Variants in TRIM34 observed in about 807,000 individuals in gnomAD.
TRIM34 encodes the protein E3 ubiquitin-protein ligase TRIM34.
Under a neutral mutation model 38.1 loss-of-function variants are expected in TRIM34, and 41 were observed. The ratio of observed to expected loss-of-function variants is 1.08; its 90% confidence interval spans 0.84 to 1.40. The LOEUF (loss-of-function observed/expected upper bound fraction) is 1.40, where lower values mean the gene tolerates loss of function less well. Among genes scored for constraint, TRIM34 ranks in the 40% most tolerant of loss-of-function variants. The probability of loss-of-function intolerance (pLI) is 0.00; values close to 1 mark genes in which losing one functional copy is unlikely to be tolerated. For missense variants in TRIM34, 556 were observed against 571.4 expected (o/e 0.97, Z 0.27); for synonymous variants, 200 against 202.5 (o/e 0.99, Z 0.10).
chr11:5,626,664 G>A (rs2133908968), intron 1 of TRIM34: 1 of 152,270 alleles, frequency 6.6e-6, no homozygotes, highest in African/African-American at 2.4e-5. Context: ...AAGATCACCA[G>A]AGATCAGGAG....
At chr11:5,626,531 T>A (rs1849243855) in intron 1 of TRIM34, 1 of 152,158 alleles carries the variant, frequency 6.6e-6, no homozygotes, top group Admixed American at 6.5e-5. Context: ...TCCCACGGGC[T>A]TAAAAGGAGA....
intron 1 of TRIM34, among the ~76,000 whole-genome samples, chr11:5,628,074 G>C (rs563669829): frequency 6.6e-6 from 1 of 152,216 alleles, no homozygotes; most frequent in Non-Finnish European, 1.5e-5. Flanking sequence ...TGCTGGGCTT[G>C]AGCCACACTG....
intron 4 of TRIM34, 113 bp downstream of exon 4, chr11:5,634,974 T>C: frequency 9.0e-7 from 1 of 1,115,568 alleles, no homozygotes; most frequent in South Asian, 1.6e-5. Flanking sequence ...AGTGCCGCCT[T>C]GTCGTCCATT....
rs370431672 is a variant in TRIM34 at position 5,642,755 on chromosome 11, A to G, written c.875-62A>G. 2.4e-4 allele frequency: 386 copies of G among 1,604,536 alleles called. 1 individual carries two copies. The highest frequency in any genetic ancestry group is 2.6e-4 in the Non-Finnish European group (305 of 1,174,408). ...CCCCTGTCCCTACTCTAAAGAATATATAGGTATCAGTGCTTACTCCTTTGT... is the reference window on the plus strand; with the variant it reads ...CCCCTGTCCCTACTCTAAAGAATATGTAGGTATCAGTGCTTACTCCTTTGT... On this transcript the variant is annotated intron_variant, in intron 6 of 7. Coordinates refer to ENST00000429814, the MANE Select transcript of TRIM34 (RefSeq NM_021616.6).
In TRIM34 at chr11:5,643,632, T is replaced by C; in HGVS notation, c.1390T>C (p.Phe464Leu). The change falls in exon 8 of 8, where the codon TTT (phenylalanine) becomes CTT (leucine). Residue 464 changes from phenylalanine to leucine, a missense_variant. Physicochemically the swap from Phe to Leu is conservative, Grantham distance 22. Coordinates refer to ENST00000429814, the MANE Select transcript of TRIM34 (RefSeq NM_021616.6). Reference protein sequence around the residue: ...SLIYKFSKCCFSQPVYPYFNP... With the variant: ...SLIYKFSKCCLSQPVYPYFNP... ...CATTTACAAGTTCTCTAAATGTTGC[T>C]TTTCTCAGCCTGTTTATCCATATTT... The C allele has an allele frequency of 6.2e-7, 1 of 1,614,152 alleles. No individual in the cohort carries two copies. Among genetic ancestry groups the C allele is most frequent in the Non-Finnish European group, 8.5e-7 (1 of 1,179,996 alleles).
chr11:5,640,749 GAATTA>G, intron 4 of TRIM34, among the ~76,000 whole-genome samples: 1 of 152,134 alleles, frequency 6.6e-6, no homozygotes, highest in South Asian at 2.1e-4. Flanking sequence ...ACCTTTAGCA[GAATTA>G]GCCAGTGAAG....
chr11:5,642,935 A>T (rs1156555040), intron 7 of TRIM34, 92 bp downstream of exon 7: 17 of 1,547,632 alleles, frequency 1.1e-5, no homozygotes, highest in Non-Finnish European at 3.5e-6. Flanking sequence ...AGCCTCATGC[A>T]TTCTCAGCAC....
chr11:5,631,074 T>C (rs1002510436), intron 1 of TRIM34, among the ~76,000 whole-genome samples: 1 of 152,196 alleles, frequency 6.6e-6, no homozygotes, highest in Non-Finnish European at 1.5e-5. Context: ...CTATTTCTAT[T>C]CCTCGATGAT....
chr11:5,634,810 C>A lies in TRIM34; in HGVS notation c.699C>A (p.Leu233=). ...AGCAGAAGCAGTTGGTGAGAGAGCTCATCTCAGATGTGGAGTGTCGGAGTC... is the reference window on the plus strand; with the variant it reads ...AGCAGAAGCAGTTGGTGAGAGAGCTAATCTCAGATGTGGAGTGTCGGAGTC... The part of the protein sequence containing the change: ...LVQQKQLVRE[L]ISDVECRSQW... Residue 233 remains leucine (L), a synonymous_variant, in exon 4 of 8, where the codon CTC becomes CTA. Transcript: ENST00000429814. 1 of 1,613,646 alleles carries A rather than the reference C, an allele frequency of 6.2e-7. No individual in the cohort carries two copies. The highest frequency in any genetic ancestry group is 1.1e-5 in the South Asian group (1 of 91,030).
rs139662863 is a variant in TRIM34 at position 5,643,621 on chromosome 11, C to T, written c.1379C>T (p.Ser460Phe). 6.2e-7 allele frequency: 1 copy of T among 1,614,012 alleles called. No individual in the cohort carries two copies. The highest frequency in any genetic ancestry group is 1.3e-5 in the African/African-American group (1 of 74,920). The change falls in exon 8 of 8, where the codon TCT becomes TTT. Residue 460 changes from serine (S) to phenylalanine (F), a missense_variant. Physicochemically the swap from Ser to Phe is radical, Grantham distance 155. Coordinates refer to ENST00000429814, the MANE Select transcript of TRIM34 (RefSeq NM_021616.6). ...CATGGCTCCCTCATTTACAAGTTCT[C>T]TAAATGTTGCTTTTCTCAGCCTGTT... ...TSHGSLIYKF[S>F]KCCFSQPVYP...
intron 1 of TRIM34, among the ~76,000 whole-genome samples, chr11:5,627,545 A>G (rs2133911776): frequency 6.6e-6 from 1 of 152,328 alleles, no homozygotes; most frequent in Non-Finnish European, 1.5e-5. Context: ...AGAAAAAGAC[A>G]TTAGGGATTG....
chr11:5,643,601 C>T lies in TRIM34; in HGVS notation c.1359C>T (p.Gly453=). 6.2e-7 allele frequency: 1 copy of T among 1,613,870 alleles called. No homozygotes were observed. The highest frequency in any genetic ancestry group is 8.5e-7 in the Non-Finnish European group (1 of 1,179,978). The change falls in exon 8 of 8, where the codon GGC becomes GGT. Residue 453 remains glycine, a synonymous_variant. Coordinates refer to ENST00000429814, the MANE Select transcript of TRIM34 (RefSeq NM_021616.6). ...CATTTTTCAATGTCACAAGCCATGG[C>T]TCCCTCATTTACAAGTTCTCTAAAT... ...IVSFFNVTSH[G]SLIYKFSKCC... is the part of the protein sequence containing the mutation.
chr11:5,641,966 G>A (rs1325943907), intron 5 of TRIM34, among the ~76,000 whole-genome samples: 1 of 152,032 alleles, frequency 6.6e-6, no homozygotes, highest in African/African-American at 2.4e-5. Context: ...TTTCCCTACA[G>A]AGCCCCGTAT....
chr11:5,634,489 A>T (rs1399448754), intron 3 of TRIM34, 142 bp from the exon 4 acceptor site: 1 of 444,258 alleles, frequency 2.3e-6, no homozygotes, highest in East Asian at 4.1e-5. Context: ...CAGATAATAT[A>T]AATACACACA....
chr11:5,620,943 T>C (rs1447507124), upstream of TRIM34, among the ~76,000 whole-genome samples: 1 of 152,232 alleles, frequency 6.6e-6, no homozygotes, highest in Admixed American at 6.5e-5. Context: ...GCTTCTAAAC[T>C]AGTAAAGCAG....
At chr11:5,625,427 T>C (rs1849166122) in intron 1 of TRIM34, among the ~76,000 whole-genome samples, 1 of 152,212 alleles carries the variant, frequency 6.6e-6, no homozygotes, top group African/African-American at 2.4e-5. Flanking sequence ...GATCTCTTAT[T>C]TTCCACCTCC....
Position 5,632,306 on chromosome 11 carries a change from C to T in TRIM34, c.-26C>T. 2 of 1,613,836 alleles carry T rather than the reference C, an allele frequency of 1.2e-6. No homozygotes were observed. Among genetic ancestry groups the T allele is most frequent in the East Asian group, 2.2e-5 (1 of 44,874 alleles). On this transcript the variant is annotated 5_prime_UTR_variant, in exon 2 of 8. Coordinates refer to ENST00000429814, the MANE Select transcript of TRIM34 (RefSeq NM_021616.6). ...GAGAGGAGAGCCTCAGGAGTTAGGA[C>T]CAGAAGAAGCCAGGGAAGCAGTGCA...
At chr11:5,623,876 G>A (rs768007596), upstream of TRIM34, among the ~76,000 whole-genome samples, 1 of 152,186 alleles carries the variant, frequency 6.6e-6, no homozygotes, top group Non-Finnish European at 1.5e-5. Flanking sequence ...GGGCAAAAAT[G>A]AAAATTGTAC....
upstream of TRIM34, among the ~76,000 whole-genome samples, chr11:5,621,760 C>T (rs1386364440): frequency 6.6e-6 from 1 of 152,198 alleles, no homozygotes; most frequent in African/African-American, 2.4e-5. Context: ...TGATTGACTC[C>T]TTTGAAAAGG....
Sources: allele counts gnomAD v4.1 joint callset (sites outside exome capture counted in the v4.1 genomes callset), GRCh38; gene constraint gnomAD v4.1.1; transcripts MANE v1.5; gene names NCBI Gene and HGNC (gene_info 2026-07-23, HGNC 2026-07-21).